Variants in DNAH14 observed in about 807,000 individuals in gnomAD.
The protein encoded by DNAH14 is dynein axonemal heavy chain 14.
Under a neutral mutation model 520.9 loss-of-function variants are expected in DNAH14, and 478 were observed. That is an observed-to-expected ratio of 0.92 (90% CI 0.85 to 0.99). The LOEUF (loss-of-function observed/expected upper bound fraction) is 0.99, where lower values mean the gene tolerates loss of function less well. Ranked by LOEUF, DNAH14 falls within the 50% of genes least tolerant of loss-of-function variation. The pLI, the probability that DNAH14 is intolerant of heterozygous loss-of-function variation, is 0.00. For missense variants in DNAH14, 4,831 were observed against 5,234.5 expected (o/e 0.92, Z 2.38); for synonymous variants, 1,581 against 1,757.2 (o/e 0.90, Z 2.51).
intron 23 of DNAH14, among the ~76,000 whole-genome samples, chr1:225,105,458 G>C (rs2075957881): frequency 6.6e-6 from 1 of 152,124 alleles, no homozygotes; most frequent in Admixed American, 6.6e-5. Context: ...TTTCTGTCTT[G>C]TTGATCTGTC....
chr1:225,062,395 T>A (rs2070280254), intron 17 of DNAH14, among the ~76,000 whole-genome samples: 1 of 152,204 alleles, frequency 6.6e-6, no homozygotes, highest in African/African-American at 2.4e-5. Flanking sequence ...AGGATTATGA[T>A]TCTTGAAATC....
intron 80 of DNAH14, 123 bp from the exon 81 acceptor site, chr1:225,381,260 A>G: frequency 1.0e-6 from 1 of 956,780 alleles, no homozygotes; most frequent in Non-Finnish European, 1.5e-6. Context: ...TCTACAGAAA[A>G]TGTTTATCAA....
chr1:225,335,337 A>G (rs867283415), intron 66 of DNAH14, among the ~76,000 whole-genome samples: 8 of 98,796 alleles, frequency 8.1e-5, no homozygotes, highest in East Asian at 4.0e-4. Context: ...ACACGTGTGT[A>G]CATGTGTGTG....
chr1:225,345,707 A>G (rs138634145), intron 69 of DNAH14, among the ~76,000 whole-genome samples: 1 of 152,330 alleles, frequency 6.6e-6, no homozygotes, highest in East Asian at 1.9e-4. Context: ...TGTAAAAAAA[A>G]TAGGATCCAC....
intron 49 of DNAH14, among the ~76,000 whole-genome samples, chr1:225,268,232 T>C (rs1475591650): frequency 6.6e-6 from 1 of 152,172 alleles, no homozygotes; most frequent in Non-Finnish European, 1.5e-5. Flanking sequence ...AAAAACCACA[T>C]GATTATCTCA....
rs1310706953 is a variant in DNAH14 at position 225,270,762 on chromosome 1, G to A, written c.7567G>A (p.Ala2523Thr). The A allele has an allele frequency of 2.6e-6, 4 of 1,551,262 alleles. No individual in the cohort carries two copies. Among genetic ancestry groups the A allele is most frequent in the Non-Finnish European group, 2.6e-6 (3 of 1,146,774 alleles). ...KNIQDLSIVA[A>T]CVPVVNDISP... ...TATTCAAGATCTGTCTATAGTTGCAGCTTGTGTTCCAGTTGTGAATGATAT... is the reference window on the plus strand; with the variant it reads ...TATTCAAGATCTGTCTATAGTTGCAACTTGTGTTCCAGTTGTGAATGATAT... The change falls in exon 50 of 86, where the codon GCT becomes ACT. Residue 2523 changes from alanine (A) to threonine (T), a missense_variant. By Grantham distance (58) the Ala-to-Thr change is moderately conservative. Coordinates refer to ENST00000682510, the MANE Select transcript of DNAH14 (RefSeq NM_001367479.1).
chr1:225,238,221 C>T (rs1315111313), intron 42 of DNAH14, among the ~76,000 whole-genome samples: 1 of 152,140 alleles, frequency 6.6e-6, no homozygotes, highest in African/African-American at 2.4e-5. Context: ...AGCATTTTTG[C>T]ATTGATTCTT....
At chr1:225,061,940 G>A (rs951600013) in intron 17 of DNAH14, among the ~76,000 whole-genome samples, 1 of 152,156 alleles carries the variant, frequency 6.6e-6, no homozygotes, top group Non-Finnish European at 1.5e-5. Flanking sequence ...CTGTGATCTA[G>A]CCATGATGGA....
chr1:225,256,495 A>G (rs763006035), intron 44 of DNAH14, among the ~76,000 whole-genome samples: 1 of 152,216 alleles, frequency 6.6e-6, no homozygotes, highest in Non-Finnish European at 1.5e-5. Context: ...GATGAAATAC[A>G]GAAAACTAAG....
rs2149354712 is a variant in DNAH14, at chr1:225,192,799, C to T, written c.5774C>T (p.Thr1925Ile). 3.9e-6 allele frequency: 6 copies of T among 1,550,040 alleles called. No homozygotes were observed. The South Asian group carries it at 6.0e-5, about 15-fold the overall frequency. Residue 1925 changes from threonine (T) to isoleucine (I), a missense_variant, in exon 38 of 86, where the codon ACT (threonine) becomes ATT (isoleucine). Physicochemically the swap from Thr to Ile is moderately conservative, Grantham distance 89 (BLOSUM62 -1). Coordinates refer to ENST00000682510, the MANE Select transcript of DNAH14 (RefSeq NM_001367479.1). ...CTGGATCCTAATACTATGGAATGGA[C>T]TGATGGATTATTATCAGCAACAATT... Reference protein sequence around the residue: ...GQLDPNTMEWTDGLLSATIRS... With the variant: ...GQLDPNTMEWIDGLLSATIRS...
intron 64 of DNAH14, among the ~76,000 whole-genome samples, chr1:225,328,360 A>G (rs958297483): frequency 1.1e-4 from 17 of 152,248 alleles, no homozygotes; most frequent in Admixed American, 6.5e-5. Flanking sequence ...GACAAGCTGT[A>G]CATTCCAGCC....
chr1:224,932,916 CTT>C, intron 1 of DNAH14, among the ~76,000 whole-genome samples: 1 of 152,010 alleles, frequency 6.6e-6, no homozygotes, highest in East Asian at 1.9e-4. Flanking sequence ...TATTCAGGCT[CTT>C]TTTTTATTCC....
At chr1:225,200,593 G>GT (rs1461611085) in intron 38 of DNAH14, among the ~76,000 whole-genome samples, 1 of 151,978 alleles carries the variant, frequency 6.6e-6, no homozygotes, top group Non-Finnish European at 1.5e-5. Context: ...TTGTTTGACT[G>GT]TATCTGTCCT....
chr1:225,335,900 T>G (rs1486081227), intron 66 of DNAH14, among the ~76,000 whole-genome samples: 1 of 142,978 alleles, frequency 7.0e-6, no homozygotes, highest in Non-Finnish European at 1.5e-5. Flanking sequence ...TATACATACA[T>G]ATATGCATGT....
At chr1:225,148,037 G>A (rs754387901) in intron 31 of DNAH14, among the ~76,000 whole-genome samples, 2 of 151,994 alleles carry the variant, frequency 1.3e-5, no homozygotes, top group East Asian at 1.9e-4. Context: ...TCTACCATGG[G>A]TGGGCATTTG....
intron 55 of DNAH14, among the ~76,000 whole-genome samples, chr1:225,296,672 G>A (rs951235392): frequency 2.8e-4 from 43 of 152,152 alleles, no homozygotes; most frequent in African/African-American, 9.9e-4. Context: ...GTAAGGCTAC[G>A]CTAGGGGTGA....
intron 73 of DNAH14, chr1:225,357,878 AT>A (rs1429419269): frequency 8.1e-5 from 57 of 700,810 alleles, no homozygotes; most frequent in Non-Finnish European, 1.4e-4. Context: ...CATGTAAGTG[AT>A]TTGTATAAAA....
chr1:224,936,633 C>G (rs1452584532), intron 1 of DNAH14, among the ~76,000 whole-genome samples: 1 of 151,776 alleles, frequency 6.6e-6, no homozygotes, highest in Non-Finnish European at 1.5e-5. Flanking sequence ...TGAATTCTAC[C>G]AAACATTTAA....
At chr1:225,320,422 T>C (rs1417901830) in intron 61 of DNAH14, among the ~76,000 whole-genome samples, 2 of 152,220 alleles carry the variant, frequency 1.3e-5, no homozygotes, top group Non-Finnish European at 2.9e-5. Flanking sequence ...AAACCAGCCT[T>C]GTCTTTGAAC....
Sources: gnomAD v4.1 joint callset for allele counts (sites outside exome capture counted in the v4.1 genomes callset) on GRCh38, gnomAD v4.1.1 for gene constraint, MANE v1.5 for transcripts, NCBI Gene and HGNC (gene_info 2026-07-23, HGNC 2026-07-21) for gene names.